Variants in CXADR observed in about 807,000 individuals in gnomAD.
CXADR encodes the protein CXADR cell adhesion molecule.
CXADR carries 20 observed loss-of-function variants against 40.3 expected under a neutral mutation model. The ratio of observed to expected loss-of-function variants is 0.50; its 90% CI spans 0.35 to 0.72. CXADR has a LOEUF of 0.72. Ranked by LOEUF, CXADR falls within the 30% of genes least tolerant of loss-of-function variation. The pLI is 0.01. For missense variants in CXADR, 332 were observed against 449.1 expected (o/e 0.74, Z 2.36); for synonymous variants, 150 against 161.3 (o/e 0.93, Z 0.53).
chr21:17,546,986 G>T, intron 1 of CXADR, 41 bp from the exon 2 acceptor site: 2 of 1,606,736 alleles, frequency 1.2e-6, no homozygotes, highest in Non-Finnish European at 1.7e-6. Context: ...GGCTGTCAGC[G>T]TATAGCAAAT....
At chr21:17,584,721 C>A (rs1402981649) in intron 7 of CXADR, among the ~76,000 whole-genome samples, 2 of 152,166 alleles carry the variant, frequency 1.3e-5, no homozygotes, top group Non-Finnish European at 2.9e-5. Flanking sequence ...ATCCCAGCTA[C>A]TCTGGAGGCT....
intron 7 of CXADR, among the ~76,000 whole-genome samples, chr21:17,580,162 GA>G (rs1434971677): frequency 6.6e-6 from 1 of 152,138 alleles, no homozygotes; most frequent in African/African-American, 2.4e-5. Context: ...ACTTGATTAT[GA>G]AAACAGCCGT....
chr21:17,538,753 G>GGCCACAGTGAGCCTTGGTTGT (rs1483011108), intron 1 of CXADR, among the ~76,000 whole-genome samples: 1 of 152,186 alleles, frequency 6.6e-6, no homozygotes, highest in Non-Finnish European at 1.5e-5. Context: ...AGGGGTTTGA[G>GGCCACAGTGAGCCTTGGTTGT]GCCACAGTGA....
intron 1 of CXADR, among the ~76,000 whole-genome samples, chr21:17,515,561 C>G (rs2060449976): frequency 6.6e-6 from 1 of 152,246 alleles, no homozygotes; most frequent in East Asian, 1.9e-4. Flanking sequence ...CCTGTAATCC[C>G]AGCACTTTGG....
the CXADR span, chr21:17,614,230 G>A: frequency 6.6e-6 from 1 of 152,122 alleles, no homozygotes; most frequent in African/African-American, 2.4e-5. Flanking sequence ...ACAATCTGAT[G>A]AGGTTATTTT....
the CXADR span, among the ~76,000 whole-genome samples, chr21:17,622,308 T>C: frequency 6.7e-6 from 1 of 150,298 alleles, no homozygotes; most frequent in African/African-American, 2.4e-5. Context: ...GCTCAAAACC[T>C]GGACTGTAGT....
intron 7 of CXADR, among the ~76,000 whole-genome samples, chr21:17,581,350 A>G (rs1414908987): frequency 6.6e-6 from 1 of 152,220 alleles, no homozygotes; most frequent in Non-Finnish European, 1.5e-5. Flanking sequence ...GAATATTTTG[A>G]TAGATACTAT....
At chr21:17,548,788 A>G (rs560061129) in intron 2 of CXADR, among the ~76,000 whole-genome samples, 1 of 152,350 alleles carries the variant, frequency 6.6e-6, no homozygotes, top group South Asian at 2.1e-4. Flanking sequence ...AGTGAGAGGC[A>G]CGGCTTTGCC....
chr21:17,569,298 A>G lies in CXADR; in HGVS notation c.*3606A>G. 1.0e-6 allele frequency: 1 copy of G among 985,354 alleles called. No homozygotes were observed. Among genetic ancestry groups the G allele is most frequent in the African/African-American group, 1.7e-5 (1 of 57,352 alleles). 61.0% of individuals were successfully genotyped at this position (985,354 alleles called of 1,614,324 possible). On this transcript the variant is annotated 3_prime_UTR_variant, in exon 7 of 7. Transcript: ENST00000284878. Reference sequence around the variant, plus strand: ...TATGTGGTTAATGCTTTGATGTGTCACATAAAGAGTAGTTTGTAGAAAATG... The same window carrying G: ...TATGTGGTTAATGCTTTGATGTGTCGCATAAAGAGTAGTTTGTAGAAAATG...
the CXADR span, among the ~76,000 whole-genome samples, chr21:17,604,668 C>T: frequency 6.6e-6 from 1 of 152,130 alleles, no homozygotes; most frequent in Non-Finnish European, 1.5e-5. Flanking sequence ...TTTCTTTTTT[C>T]GGCTATAAAG....
downstream of CXADR, among the ~76,000 whole-genome samples, chr21:17,598,239 T>A (rs2061528950): frequency 6.6e-6 from 1 of 152,106 alleles, no homozygotes; most frequent in Non-Finnish European, 1.5e-5. Flanking sequence ...TTCTCTTTAA[T>A]CATGGAACGG....
chr21:17,538,371 A>G (rs1315615062), intron 1 of CXADR, among the ~76,000 whole-genome samples: 3 of 152,122 alleles, frequency 2.0e-5, no homozygotes, highest in African/African-American at 7.2e-5. Flanking sequence ...TGGCTGTATT[A>G]TACTGTGGGA....
chr21:17,560,893 A>G, intron 5 of CXADR, 69 bp downstream of exon 5: 1 of 1,588,252 alleles, frequency 6.3e-7, no homozygotes, highest in South Asian at 1.2e-5. Context: ...TAGTTCAGTC[A>G]GCAAGTGTGT....
the CXADR span, among the ~76,000 whole-genome samples, chr21:17,633,707 C>T: frequency 1.4e-4 from 22 of 152,308 alleles, no homozygotes; most frequent in Non-Finnish European, 2.5e-4. Flanking sequence ...AAATTGTCAC[C>T]ATCTCTCTCA....
At chr21:17,547,324 G>A in intron 2 of CXADR, 131 bp downstream of exon 2, 1 of 1,316,882 alleles carries the variant, frequency 7.6e-7, no homozygotes. Context: ...CAGGCTTTAT[G>A]GTCTGGGTGA....
At chr21:17,588,436 A>C (rs2061412791) in intron 7 of CXADR, among the ~76,000 whole-genome samples, 1 of 152,090 alleles carries the variant, frequency 6.6e-6, no homozygotes, top group Non-Finnish European at 1.5e-5. Context: ...GTTCTCCTTG[A>C]AGAGGTCCTT....
chr21:17,574,055 A>G (rs919227395), downstream of CXADR, among the ~76,000 whole-genome samples: 1 of 152,272 alleles, frequency 6.6e-6, no homozygotes, highest in Non-Finnish European at 1.5e-5. Context: ...AAGAACTTCT[A>G]CATTTTAAGT....
At chr21:17,540,141 G>T (rs1353558958) in intron 1 of CXADR, among the ~76,000 whole-genome samples, 1 of 152,006 alleles carries the variant, frequency 6.6e-6, no homozygotes, top group Non-Finnish European at 1.5e-5. Flanking sequence ...AGAGTGCTCC[G>T]GTATTTCCTT....
the CXADR span, among the ~76,000 whole-genome samples, chr21:17,617,593 AAAGTT>A: frequency 1.2e-4 from 19 of 152,348 alleles, no homozygotes; most frequent in African/African-American, 4.1e-4. Context: ...TGTGCCTATT[AAAGTT>A]ATGTTTACAC....
Sources: gnomAD v4.1 joint callset for allele counts (sites outside exome capture counted in the v4.1 genomes callset) on GRCh38, gnomAD v4.1.1 for gene constraint, MANE v1.5 for transcripts, NCBI Gene and HGNC (gene_info 2026-07-23, HGNC 2026-07-21) for gene names.